PDLIM5: variants seen among roughly 807,000 people sequenced by gnomAD.
PDLIM5 encodes PDZ and LIM domain 5.
In PDLIM5, 34 loss-of-function variants were observed where a neutral mutation model predicts 64.2. The ratio of observed to expected loss-of-function variants is 0.53; its 90% CI spans 0.40 to 0.71. The LOEUF is 0.71. Among genes scored for constraint, PDLIM5 ranks in the 30% least tolerant of loss-of-function variants. The probability of loss-of-function intolerance (pLI) is 0.00; values close to 1 mark genes in which losing one functional copy is unlikely to be tolerated. For missense variants in PDLIM5, 683 were observed against 733.6 expected (o/e 0.93, Z 0.80); for synonymous variants, 253 against 269.1 (o/e 0.94, Z 0.59).
intron 2 of PDLIM5, 93 bp from the exon 3 acceptor site, chr4:94,523,631 T>C: frequency 1.2e-6 from 1 of 838,800 alleles, no homozygotes; most frequent in Non-Finnish European, 1.9e-6. Context: ...AGTATATTAA[T>C]ATACTTTTGG....
At chr4:94,656,720 C>T (rs1418394371) in intron 10 of PDLIM5, 3 of 151,360 alleles carry the variant, frequency 2.0e-5, no homozygotes, top group African/African-American at 7.3e-5. Flanking sequence ...TTGCAAGTTC[C>T]ACCTCACGAG....
At chr4:94,584,104 C>G (rs1735966325) in intron 5 of PDLIM5, among the ~76,000 whole-genome samples, 1 of 152,182 alleles carries the variant, frequency 6.6e-6, no homozygotes, top group Non-Finnish European at 1.5e-5. Context: ...GTCGTGTGGC[C>G]TGCGGATAGC....
chr4:94,623,194 C>CCCG (rs3975193), intron 8 of PDLIM5, among the ~76,000 whole-genome samples: 1 of 152,102 alleles, frequency 6.6e-6, no homozygotes, highest in Non-Finnish European at 1.5e-5. Flanking sequence ...CTGTCTGCTG[C>CCCG]TGGTCAAAAT....
At chr4:94,469,971 T>C (rs1160263252) in intron 2 of PDLIM5, among the ~76,000 whole-genome samples, 4 of 135,260 alleles carry the variant, frequency 3.0e-5, no homozygotes, top group East Asian at 2.1e-4. Flanking sequence ...TTTTTTTTTT[T>C]TTTTTTTTTT....
At chr4:94,638,818 C>T (rs1297679737) in intron 8 of PDLIM5, among the ~76,000 whole-genome samples, 1 of 152,104 alleles carries the variant, frequency 6.6e-6, no homozygotes, top group African/African-American at 2.4e-5. Flanking sequence ...TGTATTGATT[C>T]CAGTTTATTT....
At chr4:94,502,734 G>A (rs1157848145) in intron 2 of PDLIM5, among the ~76,000 whole-genome samples, 4 of 151,912 alleles carry the variant, frequency 2.6e-5, no homozygotes, top group South Asian at 2.1e-4. Flanking sequence ...AAAATTAGCC[G>A]GGCGGGGTGG....
chr4:94,621,837 A>G (rs72880406), intron 8 of PDLIM5, among the ~76,000 whole-genome samples: 8,135 of 152,250 alleles, frequency 0.053, 729 homozygotes, highest in African/African-American at 0.18. Flanking sequence ...AATGAATTTT[A>G]TATGAGCAAA....
intron 3 of PDLIM5, among the ~76,000 whole-genome samples, chr4:94,537,837 A>G (rs1482947799): frequency 1.3e-5 from 2 of 152,206 alleles, no homozygotes; most frequent in Non-Finnish European, 2.9e-5. Context: ...CTCTTAATGT[A>G]ATGATTTGTC....
At chr4:94,600,257 T>C (rs1737390016) in intron 7 of PDLIM5, among the ~76,000 whole-genome samples, 1 of 152,202 alleles carries the variant, frequency 6.6e-6, no homozygotes, top group African/African-American at 2.4e-5. Context: ...AATGAGTGAA[T>C]GCAATGAGTG....
chr4:94,532,196 A>G (rs985742568), intron 3 of PDLIM5, among the ~76,000 whole-genome samples: 1 of 152,216 alleles, frequency 6.6e-6, no homozygotes, highest in African/African-American at 2.4e-5. Flanking sequence ...TGAGATCATC[A>G]TTACAGCAGT....
At chr4:94,617,389 A>G (rs1738863084) in intron 7 of PDLIM5, among the ~76,000 whole-genome samples, 1 of 152,176 alleles carries the variant, frequency 6.6e-6, no homozygotes, top group Admixed American at 6.5e-5. Context: ...AATGCATAAC[A>G]CTGGGTGTTC....
chr4:94,645,151 T>C (rs201332047), intron 9 of PDLIM5, among the ~76,000 whole-genome samples: 26 of 152,208 alleles, frequency 1.7e-4, no homozygotes, highest in South Asian at 6.2e-4. Context: ...CTCCTACTTA[T>C]GAGTGAGAAC....
At chr4:94,470,760 T>G (rs1362143646) in intron 2 of PDLIM5, among the ~76,000 whole-genome samples, 1 of 152,204 alleles carries the variant, frequency 6.6e-6, no homozygotes, top group Non-Finnish European at 1.5e-5. Flanking sequence ...CAGTAGTAGA[T>G]AATAATGTCT....
chr4:94,624,137 C>A (rs368040861), intron 8 of PDLIM5, among the ~76,000 whole-genome samples: 5 of 151,314 alleles, frequency 3.3e-5, no homozygotes, highest in South Asian at 2.1e-4. Flanking sequence ...TAGCGGGACC[C>A]CCATCTCCAC....
chr4:94,508,137 A>G (rs1728554781), intron 2 of PDLIM5, among the ~76,000 whole-genome samples: 1 of 71,620 alleles, frequency 1.4e-5, no homozygotes, highest in African/African-American at 1.8e-4. Flanking sequence ...CTGACATAAG[A>G]ACATTTCCTT....
intron 2 of PDLIM5, among the ~76,000 whole-genome samples, chr4:94,507,215 C>A (rs1728468427): frequency 6.6e-6 from 1 of 151,816 alleles, no homozygotes; most frequent in African/African-American, 2.4e-5. Flanking sequence ...CCAATAAATT[C>A]CCATATATAT....
At chr4:94,561,879 A>G (rs187274158) in intron 3 of PDLIM5, among the ~76,000 whole-genome samples, 7 of 152,344 alleles carry the variant, frequency 4.6e-5, no homozygotes, top group Admixed American at 2.6e-4. Context: ...AACAACACAT[A>G]TAGTAATCCA....
chr4:94,518,956 T>C (rs1729596744), intron 2 of PDLIM5, among the ~76,000 whole-genome samples: 1 of 152,188 alleles, frequency 6.6e-6, no homozygotes, highest in African/African-American at 2.4e-5. Context: ...CATCGCTTTA[T>C]TGCTTCTTAT....
chr4:94,510,478 GC>G (rs1728770028), intron 2 of PDLIM5, among the ~76,000 whole-genome samples: 1 of 152,008 alleles, frequency 6.6e-6, no homozygotes, highest in African/African-American at 2.4e-5. Flanking sequence ...AGTTTACCAT[GC>G]CCCTTTTTCC....
Sources: gnomAD v4.1 joint callset for allele counts (sites outside exome capture counted in the v4.1 genomes callset) on GRCh38, gnomAD v4.1.1 for gene constraint, MANE v1.5 for transcripts, NCBI Gene and HGNC (gene_info 2026-07-23, HGNC 2026-07-21) for gene names.